GRIN2B: variants seen among roughly 807,000 people sequenced by gnomAD.
GRIN2B encodes glutamate ionotropic receptor NMDA type subunit 2B.
In GRIN2B, 5 loss-of-function variants were observed where a neutral mutation model predicts 114.5. The ratio of observed to expected loss-of-function variants is 0.04; its 90% CI spans 0.02 to 0.09. GRIN2B has a LOEUF of 0.09. Among genes scored for constraint, GRIN2B ranks in the 10% least tolerant of loss-of-function variants. GRIN2B has a pLI of 1.00. For synonymous variants in GRIN2B, 787 were observed against 745.1 expected, an observed-to-expected ratio of 1.06 and a Z score of -0.92; for missense variants, 1,108 against 1,943.5, an observed-to-expected ratio of 0.57 and a Z score of 8.08.
rs200185458 is a variant in GRIN2B at position 13,866,119 on chromosome 12, C to T, written c.90G>A (p.Lys30=). Residue 30 remains lysine (K), a synonymous_variant, in exon 3 of 14, where the codon AAG becomes AAA. Coordinates refer to ENST00000609686, the MANE Select transcript of GRIN2B (RefSeq NM_000834.5). Reference sequence around the variant, plus strand: ...CAGCAATGCCAATGCTGGGGGGGCTCTTCTGAGAACGAGCTCTGCTGCCTG... The same window carrying T: ...CAGCAATGCCAATGCTGGGGGGGCTTTTCTGAGAACGAGCTCTGCTGCCTG... The part of the protein sequence containing the change: ...AVSGSRARSQ[K]SPPSIGIAVI... 6.2e-6 allele frequency: 10 copies of T among 1,613,736 alleles called. No homozygotes were observed. Among genetic ancestry groups the T allele is most frequent in the Non-Finnish European group, 7.6e-6 (9 of 1,180,004 alleles).
chr12:13,686,976 T>G (rs1950178577), intron 4 of GRIN2B, among the ~76,000 whole-genome samples: 2 of 152,136 alleles, frequency 1.3e-5, no homozygotes, highest in Non-Finnish European at 2.9e-5. Flanking sequence ...AAAAAGAGTC[T>G]GGGTGCACCC....
intron 13 of GRIN2B, among the ~76,000 whole-genome samples, chr12:13,566,117 A>G (rs756315620): frequency 6.6e-6 from 1 of 152,198 alleles, no homozygotes; most frequent in Non-Finnish European, 1.5e-5. Context: ...TGATGGCCTG[A>G]ATTAACTCAC....
At chr12:13,652,323 T>C (rs570443403) in intron 5 of GRIN2B, among the ~76,000 whole-genome samples, 106 of 151,930 alleles carry the variant, frequency 7.0e-4, no homozygotes, top group African/African-American at 2.5e-3. Context: ...AAGTGCAATA[T>C]GGTGTAATAA....
At position 13,569,864 on chromosome 12, in the gene GRIN2B, C is replaced by G. The variant is rs774981179; in HGVS notation, c.2325G>C (p.Gln775His). ...AIQKDSGWKR[Q>H]VDLAILQLFG... ...AGAGCTGCAGGATAGCAAGGTCCAC[C>G]TGGCGCTTCCACCCAGAATCTTTTT... Residue 775 changes from glutamine (Q) to histidine (H), a missense_variant, in exon 12 of 14, where the codon CAG (glutamine) becomes CAC (histidine). Coordinates refer to ENST00000609686, the MANE Select transcript of GRIN2B (RefSeq NM_000834.5). The G allele has an allele frequency of 8.1e-6, 13 of 1,610,970 alleles. No homozygotes were observed. Among genetic ancestry groups the G allele is most frequent in the South Asian group, 1.1e-5 (1 of 90,854 alleles).
In GRIN2B at chr12:13,790,980, G is replaced by A. The variant is rs147436116; in HGVS notation, c.412-37065C>T. On this transcript the variant is annotated intron_variant, in intron 3 of 13. Transcript: ENST00000609686. ...CCTTCCCTGCAGACACAGAACTAGG[G>A]TCCAGAAGGGACACAGGGGTCACAG... is the stretch of plus-strand genomic sequence containing the variant. 1.9e-3 allele frequency among the ~76,000 whole-genome samples: 293 copies of A among 152,272 alleles called. 1 individual carries two copies. The highest frequency in any genetic ancestry group is 3.0e-3 in the Non-Finnish European group (203 of 68,022).
intron 5 of GRIN2B, among the ~76,000 whole-genome samples, chr12:13,627,894 C>T (rs1018554390): frequency 6.6e-6 from 1 of 152,212 alleles, no homozygotes; most frequent in Admixed American, 6.5e-5. Flanking sequence ...CTTCTATTCC[C>T]CATGCACTCC....
chr12:13,538,058 T>C lies in GRIN2B; in HGVS notation c.*24725A>G, dbSNP rs1373356887. The stretch of plus-strand genomic sequence containing the variant: ...ATTTATATTTTTGAAAGAATTAGTT[T>C]GCATTTGTAAAAGAATAGGGGAATA... On this transcript the variant is annotated 3_prime_UTR_variant, in exon 14 of 14. Transcript: ENST00000609686. The C allele has an allele frequency of 6.6e-6, 1 of 152,216 alleles. No individual in the cohort carries two copies. Among genetic ancestry groups the C allele is most frequent in the African/African-American group, 2.4e-5 (1 of 41,454 alleles). The allele number at this position is 152,216 out of a possible 1,614,324, so 9.4% of individuals were successfully genotyped here.
chr12:13,570,381 T>C (rs1948690939), intron 11 of GRIN2B, among the ~76,000 whole-genome samples: 1 of 152,188 alleles, frequency 6.6e-6, no homozygotes, highest in Non-Finnish European at 1.5e-5. Context: ...TGGGGTTAGA[T>C]TTATATAACA....
At chr12:13,920,391 T>A (rs1160831975) in intron 2 of GRIN2B, among the ~76,000 whole-genome samples, 1 of 152,006 alleles carries the variant, frequency 6.6e-6, no homozygotes, top group Non-Finnish European at 1.5e-5. Flanking sequence ...AAGGAAAAAA[T>A]TCAAAGGAAT....
rs374046206 is a variant in GRIN2B at position 13,861,719 on chromosome 12, C to T, written c.411+4079G>A. Reference sequence around the variant, plus strand: ...AGACCAAGACTCCCACCTCACACTTCAGAGCCTTCCCCCAGATTTTCACCT... The same window carrying T: ...AGACCAAGACTCCCACCTCACACTTTAGAGCCTTCCCCCAGATTTTCACCT... On this transcript the variant is annotated intron_variant, in intron 3 of 13. Coordinates refer to ENST00000609686, the MANE Select transcript of GRIN2B (RefSeq NM_000834.5). Among the ~76,000 whole-genome samples, 27 of 152,324 alleles carry T rather than the reference C, an allele frequency of 1.8e-4. No individual in the cohort carries two copies. The South Asian group carries it at 5.6e-3, about 32-fold the overall frequency.
At chr12:13,788,140 G>A (rs1864250611) in intron 3 of GRIN2B, among the ~76,000 whole-genome samples, 1 of 152,198 alleles carries the variant, frequency 6.6e-6, no homozygotes, top group Admixed American at 6.5e-5. Context: ...GGAGGCTCAA[G>A]TGGGAGAGGT....
At chr12:13,652,474 C>T (rs916658021) in intron 5 of GRIN2B, among the ~76,000 whole-genome samples, 1 of 151,916 alleles carries the variant, frequency 6.6e-6, no homozygotes, top group Non-Finnish European at 1.5e-5. Context: ...TAGCCAAGTG[C>T]TAACAGTCTG....
intron 2 of GRIN2B, among the ~76,000 whole-genome samples, chr12:13,906,376 C>G (rs1866534604): frequency 6.6e-6 from 1 of 152,192 alleles, no homozygotes; most frequent in Non-Finnish European, 1.5e-5. Flanking sequence ...TCTTGTACCA[C>G]TTTTCCATCT....
In GRIN2B at chr12:13,544,096, A is replaced by G. The variant is rs1948316044; in HGVS notation, c.*18687T>C. On this transcript the variant is annotated 3_prime_UTR_variant, in exon 14 of 14. Coordinates refer to ENST00000609686, the MANE Select transcript of GRIN2B (RefSeq NM_000834.5). ...TCCCTCCCTGGGCGTCACATTCTCT[A>G]TGATCTGCTATTTCCATGTCCTCTT... 2 of 152,060 alleles carry G rather than the reference A, an allele frequency of 1.3e-5. No individual in the cohort carries two copies. The highest frequency in any genetic ancestry group is 2.9e-5 in the Non-Finnish European group (2 of 68,012). 9.4% of individuals were successfully genotyped at this position (152,060 alleles called of 1,614,324 possible). A position where few individuals can be genotyped will look rare whatever the true frequency, so the allele number is the denominator to read the frequency against.
chr12:13,786,393 C>T (rs187702316), intron 3 of GRIN2B, among the ~76,000 whole-genome samples: 1 of 152,314 alleles, frequency 6.6e-6, no homozygotes, highest in East Asian at 1.9e-4. Context: ...CCACCGATGC[C>T]TTAAACATGT....
intron 3 of GRIN2B, among the ~76,000 whole-genome samples, chr12:13,845,803 C>T (rs1026263773): frequency 1.3e-5 from 2 of 152,136 alleles, no homozygotes; most frequent in African/African-American, 4.8e-5. Flanking sequence ...TTTCCTTTCC[C>T]TACTGCATGT....
At chr12:13,713,242 A>G (rs1022363194) in intron 4 of GRIN2B, among the ~76,000 whole-genome samples, 1 of 151,828 alleles carries the variant, frequency 6.6e-6, no homozygotes, top group East Asian at 1.9e-4. Context: ...GGTCCACTTG[A>G]TGCTCTCCTT....
At chr12:13,585,983 T>C (rs1171158027) in intron 10 of GRIN2B, among the ~76,000 whole-genome samples, 1 of 152,244 alleles carries the variant, frequency 6.6e-6, no homozygotes, top group African/African-American at 2.4e-5. Context: ...TTGTCCTTAA[T>C]GGACCTCCAA....
chr12:13,621,623 T>TG (rs1188673568), intron 5 of GRIN2B, among the ~76,000 whole-genome samples: 6,292 of 140,734 alleles, frequency 0.045, 359 homozygotes, highest in East Asian at 0.11. Flanking sequence ...GTTTTTTTTT[T>TG]TTTTTTTTTT....
Sources: gnomAD v4.1 joint callset for allele counts (sites outside exome capture counted in the v4.1 genomes callset) on GRCh38, gnomAD v4.1.1 for gene constraint, MANE v1.5 for transcripts, NCBI Gene and HGNC (gene_info 2026-07-23, HGNC 2026-07-21) for gene names.